TMPRSS15: variants seen among roughly 807,000 people sequenced by gnomAD.
TMPRSS15 encodes the protein enteropeptidase.
In TMPRSS15, 128 loss-of-function variants were observed where a neutral mutation model predicts 125.3. The observed-to-expected ratio is 1.02, with a 90% CI of 0.89 to 1.18. TMPRSS15 has a LOEUF of 1.18. TMPRSS15 is among the 50% of genes most tolerant of loss of function. TMPRSS15 has a pLI of 0.00. For synonymous variants in TMPRSS15, 446 were observed against 423.2 expected, an observed-to-expected ratio of 1.05 and a Z score of -0.66; for missense variants, 1,283 against 1,212.7, an observed-to-expected ratio of 1.06 and a Z score of -0.86.
At chr21:18,466,968 A>G (rs1049272473) in intron 1 of TMPRSS15, among the ~76,000 whole-genome samples, 2 of 152,222 alleles carry the variant, frequency 1.3e-5, no homozygotes, top group African/African-American at 2.4e-5. Context: ...ATGTATGTTT[A>G]TTGCAGCACT....
intron 18 of TMPRSS15, among the ~76,000 whole-genome samples, chr21:18,305,857 A>T (rs1045564134): frequency 2.0e-5 from 3 of 152,216 alleles, no homozygotes; most frequent in African/African-American, 7.2e-5. Flanking sequence ...TTCTAATTTT[A>T]AAATGGAGAA....
At chr21:18,278,908 GT>G in intron 23 of TMPRSS15, 55 bp downstream of exon 23, 2 of 870,300 alleles carry the variant, frequency 2.3e-6, no homozygotes, top group Non-Finnish European at 1.7e-6. Flanking sequence ...ATGACAGTCT[GT>G]TTTTCACCAG....
At chr21:18,447,447 A>AAAG (rs1267339707) in intron 1 of TMPRSS15, among the ~76,000 whole-genome samples, 6 of 150,916 alleles carry the variant, frequency 4.0e-5, no homozygotes, top group Non-Finnish European at 8.9e-5. Flanking sequence ...CTCAAAAAAA[A>AAAG]AAAAAAAAAA....
intron 1 of TMPRSS15, among the ~76,000 whole-genome samples, chr21:18,454,703 A>G (rs1978407265): frequency 6.6e-6 from 1 of 152,120 alleles, no homozygotes; most frequent in African/African-American, 2.4e-5. Context: ...GGAGAAAATG[A>G]ATTTGCCCTT....
At chr21:18,388,979 G>A (rs2123082203) in intron 3 of TMPRSS15, among the ~76,000 whole-genome samples, 1 of 152,138 alleles carries the variant, frequency 6.6e-6, no homozygotes, top group African/African-American at 2.4e-5. Flanking sequence ...TAGGAAGGAA[G>A]ACAGCAGATG....
chr21:18,388,672 A>C (rs1236245902), intron 3 of TMPRSS15, among the ~76,000 whole-genome samples: 2 of 152,196 alleles, frequency 1.3e-5, no homozygotes, highest in Non-Finnish European at 2.9e-5. Context: ...TTGATGCTTT[A>C]CTGCAGCTCT....
At chr21:18,322,836 A>G (rs2075252901) in intron 16 of TMPRSS15, among the ~76,000 whole-genome samples, 1 of 152,244 alleles carries the variant, frequency 6.6e-6, no homozygotes, top group African/African-American at 2.4e-5. Flanking sequence ...ATAGTTAACA[A>G]TAATTTATGG....
chr21:18,375,343 G>A (rs2123022691), intron 5 of TMPRSS15, among the ~76,000 whole-genome samples: 2 of 152,238 alleles, frequency 1.3e-5, no homozygotes, highest in Non-Finnish European at 2.9e-5. Context: ...CCAGATGCCA[G>A]TTTAATTTAA....
At chr21:18,344,732 T>C (rs1023386) in intron 10 of TMPRSS15, among the ~76,000 whole-genome samples, 110,044 of 152,084 alleles carry the variant, frequency 0.72, 40,273 homozygotes, top group East Asian at 0.89. Context: ...TTGAAGTTTG[T>C]GAAGGGTTGT....
intron 3 of TMPRSS15, among the ~76,000 whole-genome samples, chr21:18,388,640 G>GT (rs2075966021): frequency 6.6e-6 from 1 of 152,120 alleles, no homozygotes; most frequent in Non-Finnish European, 1.5e-5. Flanking sequence ...GGAGGTTAAA[G>GT]CCTTTTGGAA....
At chr21:18,468,349 C>G (rs1256909357) in intron 1 of TMPRSS15, among the ~76,000 whole-genome samples, 2 of 152,110 alleles carry the variant, frequency 1.3e-5, no homozygotes, top group Non-Finnish European at 2.9e-5. Flanking sequence ...ATTATGGTGA[C>G]ACAGCCAATT....
At chr21:18,485,391 G>A (rs900723922) in intron 1 of TMPRSS15, among the ~76,000 whole-genome samples, 2 of 151,628 alleles carry the variant, frequency 1.3e-5, no homozygotes, top group Admixed American at 1.3e-4. Context: ...TTTCATCCTT[G>A]ATGTCATCGG....
chr21:18,416,062 T>A (rs916053123), intron 1 of TMPRSS15, among the ~76,000 whole-genome samples: 2 of 151,924 alleles, frequency 1.3e-5, no homozygotes, highest in African/African-American at 4.8e-5. Flanking sequence ...AGCATAAAAA[T>A]CATACAATAT....
At chr21:18,336,614 A>G (rs986464725) in intron 13 of TMPRSS15, among the ~76,000 whole-genome samples, 4 of 152,206 alleles carry the variant, frequency 2.6e-5, no homozygotes, top group African/African-American at 9.7e-5. Context: ...GGTTATCAAT[A>G]AAAATCCAGA....
chr21:18,424,524 G>A (rs962040010), intron 1 of TMPRSS15, among the ~76,000 whole-genome samples: 2 of 152,174 alleles, frequency 1.3e-5, no homozygotes, highest in Non-Finnish European at 2.9e-5. Context: ...GGGCTCATTA[G>A]TCGTTTGATT....
intron 13 of TMPRSS15, among the ~76,000 whole-genome samples, chr21:18,339,662 C>A (rs943853675): frequency 6.7e-6 from 1 of 150,174 alleles, no homozygotes; most frequent in Non-Finnish European, 1.5e-5. Context: ...CAGCTTCCAA[C>A]CACCACAATC....
Position 18,275,228 on chromosome 21 carries a change from C to A in TMPRSS15, c.2873G>T (p.Gly958Val), listed in dbSNP as rs572799952. Residue 958 changes from glycine (G) to valine (V), a missense_variant, in exon 24 of 25, where the codon GGC becomes GTC. Coordinates refer to ENST00000284885, the MANE Select transcript of TMPRSS15 (RefSeq NM_002772.3). ...YNITENMICAGYEEGGIDSCQ... is the reference protein window; with the variant it reads ...YNITENMICAVYEEGGIDSCQ... ...AGAATCTATTCCTCCTTCTTCATAG[C>A]CTGCACATATCATATTTTCAGTAAT... is the stretch of plus-strand genomic sequence containing the variant. 1.2e-6 allele frequency: 2 copies of A among 1,614,044 alleles called. No homozygotes were observed. Among genetic ancestry groups the A allele is most frequent in the East Asian group, 2.2e-5 (1 of 44,860 alleles).
chr21:18,374,433 ACTGCAGTCCGCAGTC>A (rs2075821767), intron 5 of TMPRSS15, among the ~76,000 whole-genome samples: 1 of 134,772 alleles, frequency 7.4e-6, no homozygotes, highest in Non-Finnish European at 1.5e-5. Flanking sequence ...AGATTGCGCC[ACTGCAGTCCGCAGTC>A]CGGCCTGGGC....
intron 14 of TMPRSS15, 57 bp from the exon 15 acceptor site, chr21:18,329,351 G>T: frequency 1.9e-6 from 3 of 1,548,854 alleles, no homozygotes; most frequent in African/African-American, 1.4e-5. Flanking sequence ...TCTCTTAAAA[G>T]CTTCACTCTC....
Sources: gnomAD v4.1 joint callset for allele counts (sites outside exome capture counted in the v4.1 genomes callset) on GRCh38, gnomAD v4.1.1 for gene constraint, MANE v1.5 for transcripts, NCBI Gene and HGNC (gene_info 2026-07-23, HGNC 2026-07-21) for gene names.